PTPRS: variants seen among roughly 807,000 people sequenced by gnomAD.
The protein encoded by PTPRS is protein tyrosine phosphatase receptor type S, also known as receptor-type tyrosine-protein phosphatase S.
A neutral mutation model predicts 215.3 loss-of-function variants in PTPRS; 63 were observed. That is an observed-to-expected ratio of 0.29 (90% CI 0.24 to 0.36). The LOEUF is 0.36. Ranked by LOEUF, PTPRS falls within the 10% of genes least tolerant of loss-of-function variation. The pLI, the probability that PTPRS is intolerant of heterozygous loss-of-function variation, is 1.00. For synonymous variants in PTPRS, 1,404 were observed against 1,191.4 expected (o/e 1.18, Z -3.68); for missense variants, 2,258 against 2,825.8 (o/e 0.80, Z 4.56).
At chr19:5,340,360 C>A (rs2050652896) in intron 1 of PTPRS, among the ~76,000 whole-genome samples, 1 of 151,450 alleles carries the variant, frequency 6.6e-6, no homozygotes, top group South Asian at 2.1e-4. Context: ...ATGCCGCGCT[C>A]TGGGCGCTTC....
chr19:5,215,252 G>C (rs1048419986), intron 28 of PTPRS, 37 bp downstream of exon 28: 38 of 1,609,904 alleles, frequency 2.4e-5, no homozygotes, highest in Non-Finnish European at 3.1e-5. Context: ...CCATGCAGTG[G>C]GGAAGGGCAG....
At chr19:5,219,196 T>G (rs1361190568) in intron 23 of PTPRS, 114 bp downstream of exon 23, 1 of 1,406,112 alleles carries the variant, frequency 7.1e-7, no homozygotes, top group East Asian at 2.3e-5. Context: ...AACTTCGGTT[T>G]CCCCATGTGT....
chr19:5,252,008 C>T (rs1362030450), intron 9 of PTPRS, among the ~76,000 whole-genome samples: 6 of 151,716 alleles, frequency 4.0e-5, no homozygotes, highest in Non-Finnish European at 5.9e-5. Context: ...CCTGGGGTCA[C>T]ATCCATCAAT....
chr19:5,278,911 T>C (rs542711213), intron 2 of PTPRS, among the ~76,000 whole-genome samples: 1 of 150,338 alleles, frequency 6.7e-6, no homozygotes, highest in African/African-American at 2.4e-5. Context: ...AAAAAAGGGG[T>C]TGGGCATGGT....
At chr19:5,268,697 C>T (rs1053014999) in intron 4 of PTPRS, among the ~76,000 whole-genome samples, 3 of 152,298 alleles carry the variant, frequency 2.0e-5, no homozygotes, top group Admixed American at 6.5e-5. Flanking sequence ...CCAGGCGCAG[C>T]GCAGGCAACG....
intron 1 of PTPRS, among the ~76,000 whole-genome samples, chr19:5,290,949 A>G (rs937248596): frequency 6.6e-6 from 1 of 151,976 alleles, no homozygotes; most frequent in African/African-American, 2.4e-5. Flanking sequence ...CCTGGGCAGC[A>G]AGCACAGGCT....
At chr19:5,321,690 G>A (rs1190311836) in intron 1 of PTPRS, among the ~76,000 whole-genome samples, 1 of 152,182 alleles carries the variant, frequency 6.6e-6, no homozygotes, top group Admixed American at 6.5e-5. Context: ...GCCCTGAGAT[G>A]TCCCCATTTT....
chr19:5,227,071 AG>A (rs1196816642), intron 16 of PTPRS, among the ~76,000 whole-genome samples: 1 of 152,098 alleles, frequency 6.6e-6, no homozygotes, highest in African/African-American at 2.4e-5. Context: ...TTATTGAGAC[AG>A]GGTCTCACCC....
At position 5,315,350 on chromosome 19, in the gene PTPRS, G is replaced by GCTTTTTTTTTTTTTTTTTTT. The variant is rs2049835558; in HGVS notation, c.-95+25313_-95+25314insAAAAAAAAAAAAAAAAAAAG. On this transcript the variant is annotated intron_variant, in intron 1 of 37. Coordinates refer to ENST00000262963, the MANE Select transcript of PTPRS (RefSeq NM_002850.4). ...TCATGGAGAATTTTTATTTGAAAAG[G>GCTTTTTTTTTTTTTTTTTTT]GTTTTTTTTTTTTTTTTTTTTTTTT... Among the ~76,000 whole-genome samples the GCTTTTTTTTTTTTTTTTTTT allele has an allele frequency of 1.7e-4, 17 of 101,288 alleles. 6 individuals are homozygous for GCTTTTTTTTTTTTTTTTTTT. The highest frequency in any genetic ancestry group is 1.7e-4 in the Non-Finnish European group (9 of 52,774). The allele number at this position is 101,288 out of a possible 152,430, so 66.4% of individuals were successfully genotyped here.
chr19:5,284,012 T>C (rs893170304), intron 2 of PTPRS, among the ~76,000 whole-genome samples: 1 of 151,586 alleles, frequency 6.6e-6, no homozygotes, highest in Non-Finnish European at 1.5e-5. Context: ...CTCACGAGTT[T>C]GAGACCAGTC....
chr19:5,269,608 G>T (rs2046730982), intron 4 of PTPRS, among the ~76,000 whole-genome samples: 1 of 152,084 alleles, frequency 6.6e-6, no homozygotes, highest in East Asian at 1.9e-4. Flanking sequence ...GGCCCTTCCA[G>T]GCAGCCGGAG....
chr19:5,263,020 C>T (rs751347144), intron 5 of PTPRS, 48 bp from the exon 6 acceptor site: 30 of 1,220,104 alleles, frequency 2.5e-5, no homozygotes, highest in South Asian at 2.0e-4. Flanking sequence ...GGAACGTTAA[C>T]GGGTGGTTAC....
intron 20 of PTPRS, 71 bp downstream of exon 20, chr19:5,220,929 C>T (rs573615789): frequency 2.4e-5 from 37 of 1,515,242 alleles, no homozygotes; most frequent in Middle Eastern, 1.8e-4. Context: ...AGAGAGGGCA[C>T]GTGGCTTGCC....
At chr19:5,275,517 G>C (rs918220010) in intron 2 of PTPRS, among the ~76,000 whole-genome samples, 5 of 150,662 alleles carry the variant, frequency 3.3e-5, no homozygotes, top group Admixed American at 1.3e-4. Context: ...CTCCCAAGTA[G>C]CTGGGACTAC....
intron 9 of PTPRS, among the ~76,000 whole-genome samples, chr19:5,254,876 A>T (rs1393514143): frequency 6.6e-6 from 1 of 152,228 alleles, no homozygotes; most frequent in Non-Finnish European, 1.5e-5. Context: ...GCCAGAATGC[A>T]TACAGTCATC....
chr19:5,207,843 C>G, intron 37 of PTPRS, 79 bp downstream of exon 37: 3 of 1,569,692 alleles, frequency 1.9e-6, no homozygotes, highest in Non-Finnish European at 2.6e-6. Context: ...CTGTACCCAT[C>G]TCACAGAGGA....
At chr19:5,280,924 T>C (rs1181192475) in intron 2 of PTPRS, among the ~76,000 whole-genome samples, 2 of 151,602 alleles carry the variant, frequency 1.3e-5, no homozygotes, top group East Asian at 4.0e-4. Flanking sequence ...CCCAAGTAGC[T>C]GGGATTACAG....
chr19:5,270,771 G>A (rs969329127), intron 4 of PTPRS, among the ~76,000 whole-genome samples: 1 of 152,084 alleles, frequency 6.6e-6, no homozygotes, highest in Non-Finnish European at 1.5e-5. Context: ...CCAAGAATCC[G>A]GGAGCTAGGA....
intron 6 of PTPRS, among the ~76,000 whole-genome samples, chr19:5,262,626 G>C (rs1356795588): frequency 2.0e-5 from 3 of 152,220 alleles, no homozygotes; most frequent in African/African-American, 7.2e-5. Flanking sequence ...ATGTTGTTAG[G>C]TGCGAAGTTC....
Sources: gnomAD v4.1 joint callset for allele counts (sites outside exome capture counted in the v4.1 genomes callset) on GRCh38, gnomAD v4.1.1 for gene constraint, MANE v1.5 for transcripts, NCBI Gene and HGNC (gene_info 2026-07-23, HGNC 2026-07-21) for gene names.